The following SEC14L6 variants were observed in gnomAD, a reference collection of about 807,000 sequenced individuals.
SEC14L6 encodes the protein SEC14 like lipid binding 6.
SEC14L6 carries 40 observed loss-of-function variants against 54.1 expected under a neutral mutation model. That is an observed-to-expected ratio of 0.74 (90% CI 0.57 to 0.96). The LOEUF (loss-of-function observed/expected upper bound fraction) is 0.96. Ranked by LOEUF, SEC14L6 falls within the 40% of genes least tolerant of loss-of-function variation. The probability of loss-of-function intolerance (pLI) is 0.00; values close to 1 mark genes in which losing one functional copy is unlikely to be tolerated. For missense variants in SEC14L6, 471 were observed against 498.3 expected (o/e 0.95, Z 0.52); for synonymous variants, 171 against 198.4 (o/e 0.86, Z 1.16).
intron 1 of SEC14L6, chr22:30,543,162 G>A (rs1036179337): frequency 2.7e-5 from 44 of 1,603,854 alleles, no homozygotes; most frequent in Non-Finnish European, 2.6e-6. Context: ...AGACCAACGT[G>A]GACCCCGCAA....
At chr22:30,542,774 G>T in intron 1 of SEC14L6, 4 of 1,592,826 alleles carry the variant, frequency 2.5e-6, no homozygotes, top group Non-Finnish European at 3.4e-6. Context: ...CCCATCCAAC[G>T]GTTCAGAGGA....
At chr22:30,540,715 CAAA>C (rs60313942) in intron 1 of SEC14L6, among the ~76,000 whole-genome samples, 2 of 135,046 alleles carry the variant, frequency 1.5e-5, no homozygotes, top group African/African-American at 2.8e-5. Context: ...GACCCTGTCT[CAAA>C]AAAAAAAAAA....
chr22:30,532,407 C>T (rs922124682), intron 5 of SEC14L6, 118 bp downstream of exon 5: 4 of 1,316,434 alleles, frequency 3.0e-6, no homozygotes, highest in Non-Finnish European at 3.0e-6. Flanking sequence ...GCATTCACTC[C>T]ACAGTACCAG....
At chr22:30,529,728 G>A (rs1262761300) in intron 6 of SEC14L6, among the ~76,000 whole-genome samples, 3 of 152,172 alleles carry the variant, frequency 2.0e-5, no homozygotes, top group Non-Finnish European at 4.4e-5. Flanking sequence ...ACAGGTGTGA[G>A]CCACCGCACC....
intron 2 of SEC14L6, among the ~76,000 whole-genome samples, chr22:30,537,781 A>G (rs930597849): frequency 2.0e-5 from 3 of 152,208 alleles, no homozygotes; most frequent in African/African-American, 7.2e-5. Flanking sequence ...GCCTTACCAG[A>G]AAAGTACTGT....
At chr22:30,536,959 G>A (rs2085609935) in intron 2 of SEC14L6, among the ~76,000 whole-genome samples, 1 of 149,560 alleles carries the variant, frequency 6.7e-6, no homozygotes, top group East Asian at 2.0e-4. Flanking sequence ...AGGAGGCGGA[G>A]GTTACAGTGA....
chr22:30,543,148 T>G, intron 1 of SEC14L6: 1 of 1,603,902 alleles, frequency 6.2e-7, no homozygotes, highest in African/African-American at 1.3e-5. Context: ...GCTCTCAGAC[T>G]TCCAGACCAA....
intron 1 of SEC14L6, chr22:30,543,046 G>T: frequency 6.3e-7 from 1 of 1,599,228 alleles, no homozygotes; most frequent in Non-Finnish European, 8.6e-7. Flanking sequence ...CGCAGCGAGG[G>T]CCACACCTGA....
intron 1 of SEC14L6, among the ~76,000 whole-genome samples, chr22:30,540,750 G>C (rs1434782076): frequency 1.3e-5 from 2 of 149,208 alleles, no homozygotes; most frequent in Non-Finnish European, 3.0e-5. Context: ...TGGGTGCAGT[G>C]GCTCATACCT....
At chr22:30,525,207 T>C (rs1168116961) in intron 11 of SEC14L6, 98 bp from the exon 12 acceptor site, 11 of 1,294,536 alleles carry the variant, frequency 8.5e-6, no homozygotes, top group Non-Finnish European at 1.2e-5. Flanking sequence ...CAGGGAACCA[T>C]TGCCACAATT....
At position 30,529,599 on chromosome 22, in the gene SEC14L6, ATTATTT is replaced by A. The variant is rs981650722; in HGVS notation, c.520-256_520-251del. Among the ~76,000 whole-genome samples, 177 of 152,016 alleles carry A rather than the reference ATTATTT, an allele frequency of 1.2e-3. 1 individual carries two copies. The highest frequency in any genetic ancestry group is 6.8e-3 in the Middle Eastern group (2 of 294). ...GCAGCTAGTGCAGATTCTTTTTATT[ATTATTT>A]TTATTTCTTATTTTATTTTCTAGAG... On this transcript the variant is annotated intron_variant, in intron 6 of 11. Coordinates refer to ENST00000402034, the MANE Select transcript of SEC14L6 (RefSeq NM_001193336.4).
At chr22:30,543,974 C>T in intron 1 of SEC14L6, 2 of 1,604,120 alleles carry the variant, frequency 1.2e-6, no homozygotes, top group South Asian at 1.1e-5. Context: ...GACACCCTCA[C>T]CTATGCTGAC....
At position 30,523,990 on chromosome 22, in the gene SEC14L6, A is replaced by G. The variant is rs970519710; in HGVS notation, c.*1007T>C. 1 of 152,190 alleles carries G rather than the reference A, an allele frequency of 6.6e-6. No homozygotes were observed. The highest frequency in any genetic ancestry group is 1.5e-5 in the Non-Finnish European group (1 of 68,058). 9.4% of individuals were successfully genotyped at this position (152,190 alleles called of 1,614,324 possible). A position where few individuals can be genotyped will look rare whatever the true frequency, so the allele number is the denominator to read the frequency against. On this transcript the variant is annotated 3_prime_UTR_variant, in exon 12 of 12. Transcript: ENST00000402034. The stretch of plus-strand genomic sequence containing the variant: ...ACCAACTGATATAAACCATATTCCA[A>G]CTACCTCCTTTATCAGATTCTCACA...
At chr22:30,529,238 G>A (rs1045731185) in intron 7 of SEC14L6, 51 bp downstream of exon 7, 32 of 1,540,618 alleles carry the variant, frequency 2.1e-5, no homozygotes, top group Admixed American at 3.9e-5. Flanking sequence ...CCCGGTCACC[G>A]CACATCCCCT....
In SEC14L6 at chr22:30,532,872, A is replaced by G. The variant is rs764604278; in HGVS notation, c.175-16T>C. The G allele has an allele frequency of 1.9e-6, 3 of 1,612,100 alleles. No homozygotes were observed. The highest frequency in any genetic ancestry group is 2.5e-6 in the Non-Finnish European group (3 of 1,179,194). ...ACTCCATATGCTGCAGAGACACGGCAGGAGGTGGTGAAGATTCTGCCTGTC... is the reference window on the plus strand; with the variant it reads ...ACTCCATATGCTGCAGAGACACGGCGGGAGGTGGTGAAGATTCTGCCTGTC... On this transcript the variant is annotated splice_polypyrimidine_tract_variant and intron_variant, in intron 3 of 11. Coordinates refer to ENST00000402034, the MANE Select transcript of SEC14L6 (RefSeq NM_001193336.4).
intron 2 of SEC14L6, among the ~76,000 whole-genome samples, chr22:30,535,887 G>GTTTTTTTTT (rs71643521): frequency 1.8e-4 from 23 of 128,496 alleles, no homozygotes; most frequent in East Asian, 9.5e-4. Flanking sequence ...AGTTTTTTGT[G>GTTTTTTTTT]TTTTTTTTTT....
chr22:30,539,464 T>C (rs1002852956), intron 1 of SEC14L6, among the ~76,000 whole-genome samples: 1 of 152,076 alleles, frequency 6.6e-6, no homozygotes, highest in Non-Finnish European at 1.5e-5. Flanking sequence ...GACTCAGGGA[T>C]GTGGGGGCAG....
chr22:30,546,399 A>AG (rs1411360901), intron 1 of SEC14L6, among the ~76,000 whole-genome samples: 2 of 151,638 alleles, frequency 1.3e-5, no homozygotes, highest in African/African-American at 4.8e-5. Context: ...AAAAAAAAAA[A>AG]AAAAAAAGGA....
intron 1 of SEC14L6, among the ~76,000 whole-genome samples, chr22:30,541,273 A>G (rs2085704965): frequency 6.6e-6 from 1 of 152,218 alleles, no homozygotes; most frequent in African/African-American, 2.4e-5. Context: ...TCTAAAGGCC[A>G]CAATCATCCT....
Sources: allele counts gnomAD v4.1 joint callset (sites outside exome capture counted in the v4.1 genomes callset), GRCh38; gene constraint gnomAD v4.1.1; transcripts MANE v1.5; gene names NCBI Gene and HGNC (gene_info 2026-07-23, HGNC 2026-07-21).